GABRB1: variants seen among roughly 807,000 people sequenced by gnomAD.
The protein encoded by GABRB1 is gamma-aminobutyric acid type A receptor subunit beta1.
In GABRB1, 17 loss-of-function variants were observed where a neutral mutation model predicts 51.6. The ratio of observed to expected loss-of-function variants is 0.33; its 90% CI spans 0.23 to 0.49. GABRB1 has a LOEUF of 0.49. Ranked by LOEUF, GABRB1 falls within the 20% of genes least tolerant of loss-of-function variation. The pLI is 0.99. For synonymous variants in GABRB1, 247 were observed against 218.9 expected, an observed-to-expected ratio of 1.13 and a Z score of -1.14; for missense variants, 410 against 600.6, an observed-to-expected ratio of 0.68 and a Z score of 3.32.
chr4:47,198,923 C>T (rs547646191), intron 4 of GABRB1, among the ~76,000 whole-genome samples: 1 of 152,256 alleles, frequency 6.6e-6, no homozygotes, highest in South Asian at 2.1e-4. Context: ...AACTGCTAAA[C>T]ACTTGTAAAA....
chr4:47,220,819 C>G (rs1180771993), intron 4 of GABRB1, among the ~76,000 whole-genome samples: 2 of 151,942 alleles, frequency 1.3e-5, no homozygotes, highest in Non-Finnish European at 2.9e-5. Flanking sequence ...AATGTGTTAA[C>G]TCCTCTCCCA....
At chr4:47,404,246 C>T (rs987626098) in intron 7 of GABRB1, among the ~76,000 whole-genome samples, 20 of 152,110 alleles carry the variant, frequency 1.3e-4, no homozygotes, top group Non-Finnish European at 1.9e-4. Context: ...TATTAATAAT[C>T]TGTGGTCAAG....
At chr4:47,330,474 G>A (rs1368215585) in intron 5 of GABRB1, among the ~76,000 whole-genome samples, 1 of 152,130 alleles carries the variant, frequency 6.6e-6, no homozygotes, top group African/African-American at 2.4e-5. Context: ...GCAACAAGTA[G>A]ACAATAGTCA....
chr4:46,996,712 T>G (rs1453417030), intron 1 of GABRB1, among the ~76,000 whole-genome samples: 1 of 152,212 alleles, frequency 6.6e-6, no homozygotes, highest in Non-Finnish European at 1.5e-5. Context: ...CATTGCCAGT[T>G]TCTATAGACT....
At chr4:47,015,150 C>T (rs527384720) in intron 1 of GABRB1, among the ~76,000 whole-genome samples, 30 of 152,306 alleles carry the variant, frequency 2.0e-4, no homozygotes, top group African/African-American at 7.2e-4. Context: ...TTGTGATCCG[C>T]CCACCTCAGC....
At chr4:47,011,167 T>C (rs1196852791) in intron 1 of GABRB1, among the ~76,000 whole-genome samples, 1 of 152,048 alleles carries the variant, frequency 6.6e-6, no homozygotes, top group East Asian at 1.9e-4. Context: ...TGCAGCTGTG[T>C]GGGAAACATT....
At chr4:47,326,716 A>T (rs1725275049) in intron 5 of GABRB1, among the ~76,000 whole-genome samples, 1 of 152,140 alleles carries the variant, frequency 6.6e-6, no homozygotes, top group Non-Finnish European at 1.5e-5. Context: ...ATGAACCAGA[A>T]AGTGAGCCCT....
chr4:47,230,726 A>T (rs1272440152), intron 4 of GABRB1, among the ~76,000 whole-genome samples: 2 of 152,176 alleles, frequency 1.3e-5, no homozygotes, highest in Non-Finnish European at 2.9e-5. Context: ...GTGTCTAAAA[A>T]CAGTGGCTCA....
chr4:46,995,716 CTTTCCCTTGCAA>C (rs969624301), intron 1 of GABRB1, among the ~76,000 whole-genome samples: 32 of 152,272 alleles, frequency 2.1e-4, no homozygotes, highest in Admixed American at 1.8e-3. Flanking sequence ...TTCTAAACCA[CTTTCCCTTGCAA>C]TTTTCATTTT....
intron 5 of GABRB1, among the ~76,000 whole-genome samples, chr4:47,393,377 G>A (rs952925037): frequency 6.6e-6 from 1 of 152,196 alleles, no homozygotes; most frequent in African/African-American, 2.4e-5. Context: ...ATGGTTCTGT[G>A]CTTTTTTCGA....
chr4:47,019,708 T>G (rs949489931), intron 1 of GABRB1, among the ~76,000 whole-genome samples: 8 of 149,264 alleles, frequency 5.4e-5, no homozygotes, highest in African/African-American at 2.0e-4. Context: ...CCTTCTTTCC[T>G]TCTTTCCTTC....
chr4:47,335,244 A>T (rs1725653530), intron 5 of GABRB1, among the ~76,000 whole-genome samples: 1 of 151,900 alleles, frequency 6.6e-6, no homozygotes, highest in Non-Finnish European at 1.5e-5. Flanking sequence ...GGTCACCTGC[A>T]TTCACTCAGT....
At chr4:47,251,769 G>T (rs1473600353) in intron 4 of GABRB1, among the ~76,000 whole-genome samples, 1 of 152,118 alleles carries the variant, frequency 6.6e-6, no homozygotes, top group East Asian at 1.9e-4. Context: ...TCGGGGAAGT[G>T]GGGGAAAGCT....
intron 3 of GABRB1, among the ~76,000 whole-genome samples, chr4:47,138,098 C>T (rs143056877): frequency 2.6e-5 from 4 of 152,140 alleles, no homozygotes; most frequent in African/African-American, 7.2e-5. Context: ...TACAAACCAC[C>T]ACTGATTCTC....
At chr4:47,176,732 G>C (rs927416650) in intron 4 of GABRB1, among the ~76,000 whole-genome samples, 1 of 152,062 alleles carries the variant, frequency 6.6e-6, no homozygotes, top group Non-Finnish European at 1.5e-5. Context: ...TTAGAGTTAG[G>C]AAGAAAAGGC....
intron 3 of GABRB1, among the ~76,000 whole-genome samples, chr4:47,157,209 A>C (rs543340108): frequency 6.6e-6 from 1 of 152,108 alleles, no homozygotes; most frequent in Non-Finnish European, 1.5e-5. Flanking sequence ...TAGCTTGCAC[A>C]CTTGAGAAAG....
intron 1 of GABRB1, among the ~76,000 whole-genome samples, chr4:47,019,671 C>CTT (rs1217927210): frequency 7.3e-6 from 1 of 136,682 alleles, no homozygotes; most frequent in African/African-American, 2.8e-5. Flanking sequence ...TTCTTTCTTT[C>CTT]TTTCTTTCCT....
chr4:47,196,645 T>A (rs1333905165), intron 4 of GABRB1, among the ~76,000 whole-genome samples: 1 of 152,184 alleles, frequency 6.6e-6, no homozygotes, highest in Non-Finnish European at 1.5e-5. Context: ...TGATGGTGTA[T>A]AAGGACTAGA....
At chr4:47,357,708 T>C (rs1427466036) in intron 5 of GABRB1, among the ~76,000 whole-genome samples, 1 of 152,158 alleles carries the variant, frequency 6.6e-6, no homozygotes, top group Non-Finnish European at 1.5e-5. Flanking sequence ...GTACAAGTAA[T>C]GTTCAGAGAG....
Sources: allele counts gnomAD v4.1 joint callset (sites outside exome capture counted in the v4.1 genomes callset), GRCh38; gene constraint gnomAD v4.1.1; transcripts MANE v1.5; gene names NCBI Gene and HGNC (gene_info 2026-07-23, HGNC 2026-07-21).